The following DNAH5 variants were observed in gnomAD, a reference collection of about 807,000 sequenced individuals.
The protein encoded by DNAH5 is axonemal beta dynein heavy chain 5.
In DNAH5, 372 loss-of-function variants were observed where a neutral mutation model predicts 518.2. The ratio of observed to expected loss-of-function variants is 0.72; its 90% CI spans 0.66 to 0.78. The LOEUF (loss-of-function observed/expected upper bound fraction) is 0.78. Ranked by LOEUF, DNAH5 falls within the 30% of genes least tolerant of loss-of-function variation. The pLI, the probability that DNAH5 is intolerant of heterozygous loss-of-function variation, is 0.00. For missense variants in DNAH5, 5,523 were observed against 5,687.0 expected, an observed-to-expected ratio of 0.97 and a Z score of 0.93; for synonymous variants, 2,039 against 2,025.9, an observed-to-expected ratio of 1.01 and a Z score of -0.17.
chr5:13,867,572 A>G (rs1031632121), intron 25 of DNAH5, among the ~76,000 whole-genome samples: 8 of 152,056 alleles, frequency 5.3e-5, no homozygotes, highest in African/African-American at 1.4e-4. Flanking sequence ...TCTTTATAGC[A>G]GTGTGAAAAC....
intron 1 of DNAH5, among the ~76,000 whole-genome samples, chr5:14,004,900 G>A (rs572134024): frequency 7.4e-4 from 112 of 151,028 alleles, no homozygotes; most frequent in Non-Finnish European, 1.2e-3. Context: ...AGATTTCTGC[G>A]ATCACCTCCT....
chr5:13,708,069 CA>C, intron 76 of DNAH5, 53 bp downstream of exon 76: 1 of 1,580,450 alleles, frequency 6.3e-7, no homozygotes, highest in African/African-American at 1.3e-5. Context: ...TTGCCAATTA[CA>C]ACTCTTCACA....
intron 53 of DNAH5, among the ~76,000 whole-genome samples, chr5:13,778,478 AGAAGGAAG>A (rs146599533): frequency 7.2e-4 from 63 of 87,274 alleles, no homozygotes; most frequent in African/African-American, 2.0e-3. Context: ...AAGGAAGGAA[AGAAGGAAG>A]GAAGGAAGGA....
At chr5:13,874,567 G>A (rs936081090) in intron 22 of DNAH5, among the ~76,000 whole-genome samples, 3 of 152,038 alleles carry the variant, frequency 2.0e-5, no homozygotes. Flanking sequence ...ACCCAGGCTA[G>A]AGTGCAGTGG....
intron 55 of DNAH5, among the ~76,000 whole-genome samples, chr5:13,775,306 A>G (rs1378553118): frequency 6.6e-6 from 1 of 151,822 alleles, no homozygotes; most frequent in East Asian, 1.9e-4. Context: ...AGATTGGAAA[A>G]CCACTACTGT....
intron 1 of DNAH5, among the ~76,000 whole-genome samples, chr5:13,997,860 T>TC: frequency 6.6e-6 from 1 of 152,110 alleles, no homozygotes; most frequent in Non-Finnish European, 1.5e-5. Flanking sequence ...TTTTTTTTTT[T>TC]TGAGACAGAG....
Position 13,989,482 on chromosome 5 carries a change from C to CTT in DNAH5, c.12+22164_12+22165dup, listed in dbSNP as rs34462296. On this transcript the variant is annotated intron_variant, in intron 1 of 78. Coordinates refer to the DNAH5 transcript ENST00000681290. ...ACGTGTGCATACATGTAGAGGGAGA[C>CTT]TTTTTTTTTTTTTTTTTTTGAGACG... Among the ~76,000 whole-genome samples, 675 of 128,776 alleles carry CTT rather than the reference C, an allele frequency of 5.2e-3. 14 individuals are homozygous for CTT. The highest frequency in any genetic ancestry group is 0.017 in the East Asian group (71 of 4,272). The allele number at this position is 128,776 out of a possible 152,430, so 84.5% of individuals were successfully genotyped here. A position where few individuals can be genotyped will look rare whatever the true frequency, so the allele number is the denominator to read the frequency against.
At chr5:13,995,158 G>A (rs949813144) in intron 1 of DNAH5, among the ~76,000 whole-genome samples, 21 of 152,098 alleles carry the variant, frequency 1.4e-4, no homozygotes, top group African/African-American at 5.1e-4. Context: ...AGCAGTGCTT[G>A]GCAAGCTTGT....
In DNAH5 at chr5:13,840,920, T is replaced by A. The variant is rs1580519260; in HGVS notation, c.5695A>T (p.Ile1899Phe). ...AAAGAATTTACCAGGTCATCAAAGATATCCCTTTGGTGCACATGAATAGTA... is the reference window on the plus strand; with the variant it reads ...AAAGAATTTACCAGGTCATCAAAGAAATCCCTTTGGTGCACATGAATAGTA... ...LITIHVHQRDIFDDLCHMHIK... is the reference protein window; with the variant it reads ...LITIHVHQRDFFDDLCHMHIK... The change falls in exon 34 of 79, where the codon ATC becomes TTC. Residue 1899 changes from isoleucine to phenylalanine, a missense_variant. Ile to Phe is a conservative substitution (Grantham distance 21, BLOSUM62 0). Around this residue, in one of 3 missense-constraint regions of DNAH5, gnomAD observed 5,121 missense variants for 5,223.3 expected, o/e 0.98. Coordinates refer to ENST00000265104, the MANE Select transcript of DNAH5 (RefSeq NM_001369.3). The A allele has an allele frequency of 6.2e-7, 1 of 1,613,428 alleles. No homozygotes were observed. The highest frequency in any genetic ancestry group is 8.5e-7 in the Non-Finnish European group (1 of 1,179,322).
chr5:13,809,490 G>A (rs775053995), intron 45 of DNAH5, among the ~76,000 whole-genome samples: 2 of 152,120 alleles, frequency 1.3e-5, no homozygotes, highest in Non-Finnish European at 1.5e-5. Context: ...AGAGTAGTGT[G>A]TATCTAAAAT....
At position 13,735,315 on chromosome 5, in the gene DNAH5, G is replaced by C. The variant is rs756829670; in HGVS notation, c.11577C>G (p.Val3859=). 23 of 1,613,802 alleles carry C rather than the reference G, an allele frequency of 1.4e-5. No individual in the cohort carries two copies. Among genetic ancestry groups the C allele is most frequent in the African/African-American group, 2.7e-5 (2 of 74,928 alleles). Residue 3859 remains valine, a synonymous_variant, in exon 68 of 79, where the codon GTC becomes GTG. Transcript: ENST00000265104. ...TCCTCTTGCTTGTAATCGGGCTCTT[G>C]ACAGACCTGGTGAATAGAATATTTA... ...GLFDLSLARS[V]KSPITSKRIA... is the part of the protein sequence containing the mutation.
chr5:13,948,568 A>G (rs1780112096), upstream of DNAH5, among the ~76,000 whole-genome samples: 1 of 152,208 alleles, frequency 6.6e-6, no homozygotes, highest in African/African-American at 2.4e-5. Context: ...AGAGTGTAAC[A>G]TATGTGAAAA....
chr5:13,811,909 C>T, intron 43 of DNAH5, 86 bp from the exon 44 acceptor site: 2 of 1,171,248 alleles, frequency 1.7e-6, no homozygotes, highest in Non-Finnish European at 2.5e-6. Flanking sequence ...TTAAAAGTAT[C>T]TGTTAATAAT....
In DNAH5 at chr5:13,917,710, T is replaced by C. The variant is rs1181845636; in HGVS notation, c.976-454A>G. ...AGTACTGTGCTATGAGCTAGGAACT[T>C]AGAAATGGAAAGATAATCTAAAAGT... On this transcript the variant is annotated intron_variant, in intron 7 of 78. Transcript: ENST00000265104. Among the ~76,000 whole-genome samples, 3 of 152,186 alleles carry C rather than the reference T, an allele frequency of 2.0e-5. No homozygotes were observed. The East Asian group carries it at 5.8e-4, about 29-fold the overall frequency.
chr5:13,820,450 A>C lies in DNAH5; in HGVS notation c.6737T>G (p.Ile2246Ser). The C allele has an allele frequency of 6.2e-7, 1 of 1,614,124 alleles. No individual in the cohort carries two copies. The highest frequency in any genetic ancestry group is 8.5e-7 in the Non-Finnish European group (1 of 1,180,028). Residue 2246 changes from isoleucine to serine, a missense_variant, in exon 41 of 79, where the codon ATC (isoleucine) becomes AGC (serine). Physicochemically the swap from Ile to Ser is moderately radical, Grantham distance 142. Transcript: ENST00000265104. ...CACTCTCTGCGTTTCGAATAGCTGG[A>C]TGACCTTCAGTTTCCAAGGAGGATG... is the stretch of plus-strand genomic sequence containing the variant. The part of the protein sequence containing the change: ...INHPPWKLKV[I>S]QLFETQRVRH...
chr5:13,922,306 T>C lies in DNAH5; in HGVS notation c.461A>G (p.Asp154Gly). The change falls in exon 5 of 79, where the codon GAT becomes GGT. Residue 154 changes from aspartate to glycine, a missense_variant. Physicochemically the swap from Asp to Gly is moderately conservative, Grantham distance 94 (BLOSUM62 -1). Around this residue, in one of 3 missense-constraint regions of DNAH5, gnomAD observed 5,121 missense variants for 5,223.3 expected, o/e 0.98. Transcript: ENST00000265104. ...IHQEVSFNMLDAADGGLLNSV... is the reference protein window; with the variant it reads ...IHQEVSFNMLGAADGGLLNSV... ...GTTGAGCAGGCCTCCATCTGCCGCA[T>C]CTAACATGTTAAAACTCACCTCCTG... The C allele has an allele frequency of 1.2e-6, 2 of 1,613,984 alleles. No homozygotes were observed. Among genetic ancestry groups the C allele is most frequent in the Non-Finnish European group, 1.7e-6 (2 of 1,179,932 alleles).
chr5:13,734,266 C>T (rs567200975), intron 68 of DNAH5, among the ~76,000 whole-genome samples: 1 of 152,312 alleles, frequency 6.6e-6, no homozygotes, highest in South Asian at 2.1e-4. Flanking sequence ...TGATCTGGGA[C>T]TTCCAACTTC....
intron 15 of DNAH5, 166 bp downstream of exon 15, chr5:13,900,040 G>T: frequency 1.6e-6 from 1 of 644,166 alleles, no homozygotes; most frequent in Non-Finnish European, 2.7e-6. Flanking sequence ...ACCTGTAACG[G>T]CCTGGCCCCA....
In DNAH5 at chr5:14,006,013, A is replaced by G. The variant is rs112291466; in HGVS notation, c.12+5635T>C. 9.9e-3 allele frequency among the ~76,000 whole-genome samples: 1,497 copies of G among 150,700 alleles called. 27 individuals are homozygous for G. The highest frequency in any genetic ancestry group is 0.034 in the African/African-American group (1,410 of 41,038). On this transcript the variant is annotated intron_variant, in intron 1 of 78. Coordinates refer to the DNAH5 transcript ENST00000681290. ...TGATTCCTGCAGCCCCCTGTTCCAA[A>G]CCCACCCCCCTTGCAGACCCACACC... is the stretch of plus-strand genomic sequence containing the variant.
Sources: allele counts gnomAD v4.1 joint callset (sites outside exome capture counted in the v4.1 genomes callset), GRCh38; gene constraint gnomAD v4.1.1; regional missense constraint gnomAD v4.1.1; transcripts MANE v1.5; gene names NCBI Gene and HGNC (gene_info 2026-07-23, HGNC 2026-07-21).